The following NRXN3 variants were observed in gnomAD, a reference collection of about 807,000 sequenced individuals.
NRXN3 encodes the protein neurexin III.
A neutral mutation model predicts 137.6 loss-of-function variants in NRXN3; 32 were observed. That is an observed-to-expected ratio of 0.23 (90% CI 0.18 to 0.31). The LOEUF is 0.31. Among genes scored for constraint, NRXN3 ranks in the 10% least tolerant of loss-of-function variants. NRXN3 has a pLI of 1.00. For missense variants in NRXN3, 1,574 were observed against 2,062.5 expected (o/e 0.76, Z 4.59); for synonymous variants, 798 against 784.5 (o/e 1.02, Z -0.29).
intron 19 of NRXN3, among the ~76,000 whole-genome samples, chr14:79,738,567 TG>T (rs1360079154): frequency 4.6e-5 from 7 of 152,214 alleles, no homozygotes; most frequent in Non-Finnish European, 8.8e-5. Flanking sequence ...TGTTTTGTTT[TG>T]TTTTTTTGAG....
At chr14:78,572,606 T>C (rs990125818) in intron 4 of NRXN3, among the ~76,000 whole-genome samples, 4 of 152,216 alleles carry the variant, frequency 2.6e-5, no homozygotes, top group African/African-American at 9.6e-5. Flanking sequence ...AGAAGAATTG[T>C]CTTAGGCCAC....
chr14:79,486,199 A>G (rs1421168265), intron 16 of NRXN3, among the ~76,000 whole-genome samples: 1 of 152,144 alleles, frequency 6.6e-6, no homozygotes, highest in Non-Finnish European at 1.5e-5. Flanking sequence ...ATTGAGTAAC[A>G]GCCTCTGAGG....
At chr14:78,604,134 G>A (rs976450719) in intron 4 of NRXN3, among the ~76,000 whole-genome samples, 3 of 152,122 alleles carry the variant, frequency 2.0e-5, no homozygotes, top group Admixed American at 6.5e-5. Context: ...ATCAGATCTT[G>A]TGAGACTTAT....
chr14:79,545,040 AGGAGCT>A (rs1209965880), intron 16 of NRXN3, among the ~76,000 whole-genome samples: 1 of 152,188 alleles, frequency 6.6e-6, no homozygotes, highest in Non-Finnish European at 1.5e-5. Flanking sequence ...ATGTAGCTGG[AGGAGCT>A]GTTGCTTATT....
intron 4 of NRXN3, among the ~76,000 whole-genome samples, chr14:78,484,009 C>CACACACACAT (rs2095516907): frequency 2.0e-5 from 3 of 147,318 alleles, no homozygotes; most frequent in Non-Finnish European, 4.5e-5. Context: ...CACACACACA[C>CACACACACAT]ACACACACAC....
At chr14:78,484,015 CACACACACACACAGAGAG>C (rs2095518083) in intron 4 of NRXN3, among the ~76,000 whole-genome samples, 1 of 80,366 alleles carries the variant, frequency 1.2e-5, no homozygotes, top group African/African-American at 4.6e-5. Context: ...CACACACACA[CACACACACACACAGAGAG>C]AGAGAGAGAG....
chr14:78,498,973 G>T (rs1441966852), intron 4 of NRXN3, among the ~76,000 whole-genome samples: 1 of 152,004 alleles, frequency 6.6e-6, no homozygotes, highest in Non-Finnish European at 1.5e-5. Context: ...GGGCAATGTT[G>T]TTAGCTTCTC....
intron 15 of NRXN3, among the ~76,000 whole-genome samples, chr14:79,075,760 T>C (rs932146208): frequency 6.6e-6 from 1 of 152,318 alleles, no homozygotes; most frequent in Non-Finnish European, 1.5e-5. Context: ...GTAGCATTTA[T>C]TTCAAGTAGC....
At chr14:79,646,667 A>G (rs1490926074) in intron 16 of NRXN3, among the ~76,000 whole-genome samples, 1 of 135,352 alleles carries the variant, frequency 7.4e-6, no homozygotes. Flanking sequence ...TTAAAAGCCA[A>G]TCTGTGGTGG....
chr14:78,243,919 G>A lies in NRXN3; in HGVS notation c.709+117G>A, dbSNP rs943951579. Reference sequence around the variant, plus strand: ...TCTTTAGCTGCATGTTAGATCACTGGGCCCCTTGCCCTAAGGAGGCAGTGG... The same window carrying A: ...TCTTTAGCTGCATGTTAGATCACTGAGCCCCTTGCCCTAAGGAGGCAGTGG... On this transcript the variant is annotated intron_variant, in intron 2 of 20. Coordinates refer to ENST00000335750, the MANE Select transcript of NRXN3 (RefSeq NM_001330195.2). This position sits in a 1 kb window ranked among gnomAD's most constrained non-coding sequence, Gnocchi z 4.2. The A allele has an allele frequency of 7.0e-5, 53 of 754,858 alleles. No homozygotes were observed. The highest frequency in any genetic ancestry group is 1.5e-5 in the Non-Finnish European group (7 of 470,738). 46.8% of individuals were successfully genotyped at this position (754,858 alleles called of 1,614,324 possible).
chr14:79,171,721 A>G (rs2061796502), intron 15 of NRXN3, among the ~76,000 whole-genome samples: 1 of 152,188 alleles, frequency 6.6e-6, no homozygotes, highest in African/African-American at 2.4e-5. Flanking sequence ...GTTATTGTTG[A>G]AAATATATGG....
chr14:79,403,967 T>C (rs1229244299), intron 15 of NRXN3, among the ~76,000 whole-genome samples: 1 of 152,184 alleles, frequency 6.6e-6, no homozygotes, highest in Non-Finnish European at 1.5e-5. Context: ...TACTGGGCTC[T>C]TAAAAGTTTT....
chr14:79,417,221 T>A (rs1457336536), intron 15 of NRXN3, among the ~76,000 whole-genome samples: 4 of 152,168 alleles, frequency 2.6e-5, no homozygotes, highest in African/African-American at 9.7e-5. Context: ...TAGCACATCA[T>A]AAGGACTAAG....
intron 8 of NRXN3, among the ~76,000 whole-genome samples, chr14:78,737,706 T>A (rs992594841): frequency 1.3e-5 from 2 of 152,190 alleles, no homozygotes; most frequent in African/African-American, 4.8e-5. Context: ...GTGAGTTTAA[T>A]CACTGAAACT....
intron 15 of NRXN3, among the ~76,000 whole-genome samples, chr14:79,120,128 A>G (rs2055151066): frequency 6.6e-6 from 1 of 152,110 alleles, no homozygotes; most frequent in South Asian, 2.1e-4. Flanking sequence ...ATTATTATCA[A>G]ATGGCCAGCG....
intron 4 of NRXN3, among the ~76,000 whole-genome samples, chr14:78,578,046 GTA>G (rs757669961): frequency 4.6e-5 from 7 of 150,868 alleles, no homozygotes; most frequent in Middle Eastern, 3.4e-3. Context: ...CTATGTAAAT[GTA>G]TATATATATA....
intron 16 of NRXN3, among the ~76,000 whole-genome samples, chr14:79,473,774 G>A (rs1600818467): frequency 6.9e-6 from 1 of 145,486 alleles, no homozygotes; most frequent in African/African-American, 2.6e-5. Context: ...GACCTCTTTG[G>A]GATTTCTGAG....
chr14:79,081,507 A>C (rs1177483624), intron 15 of NRXN3, among the ~76,000 whole-genome samples: 1 of 151,942 alleles, frequency 6.6e-6, no homozygotes, highest in Admixed American at 6.6e-5. Context: ...TCAGCTACTC[A>C]GGAGGCTGAG....
intron 8 of NRXN3, among the ~76,000 whole-genome samples, chr14:78,722,800 A>G (rs1195160202): frequency 3.3e-5 from 5 of 152,148 alleles, no homozygotes; most frequent in African/African-American, 1.2e-4. Flanking sequence ...GTTCTCATAA[A>G]TGTGCTATTA....
Sources: allele counts gnomAD v4.1 joint callset (sites outside exome capture counted in the v4.1 genomes callset), GRCh38; gene constraint gnomAD v4.1.1; non-coding constraint Gnocchi (gnomAD v3.1); transcripts MANE v1.5; gene names NCBI Gene and HGNC (gene_info 2026-07-23, HGNC 2026-07-21).